The following MEGF6 variants were observed in gnomAD, a reference collection of about 807,000 sequenced individuals.
The protein encoded by MEGF6 is multiple epidermal growth factor-like domains protein 6.
A neutral mutation model predicts 207.1 loss-of-function variants in MEGF6; 184 were observed. The ratio of observed to expected loss-of-function variants is 0.89; its 90% CI spans 0.79 to 1.00. The LOEUF (loss-of-function observed/expected upper bound fraction) is 1.00, where lower values mean the gene tolerates loss of function less well. MEGF6 is among the 50% of genes least tolerant of loss of function. The pLI is 0.00. For missense variants in MEGF6, 2,282 were observed against 2,202.9 expected (o/e 1.04, Z -0.72); for synonymous variants, 1,038 against 910.0 (o/e 1.14, Z -2.53).
At chr1:3,579,962 G>A (rs1206085409) in intron 3 of MEGF6, 33 bp from the exon 4 acceptor site, 4 of 1,448,318 alleles carry the variant, frequency 2.8e-6, no homozygotes, top group African/African-American at 1.5e-5. Flanking sequence ...GGTGAGAGGG[G>A]CAAGGAGGGG....
chr1:3,519,664 C>T (rs575863724), intron 5 of MEGF6, among the ~76,000 whole-genome samples: 25 of 152,356 alleles, frequency 1.6e-4, no homozygotes, highest in South Asian at 6.2e-4. Flanking sequence ...ACGCAGTGCC[C>T]GGCTCCAGCA....
At position 3,498,360 on chromosome 1, in the gene MEGF6, GC is replaced by G; in HGVS notation, c.3352+10del. The stretch of plus-strand genomic sequence containing the variant: ...GGCCTGCAGACCCCCCTGCTGCCCC[GC>G]CCCACTCACGGCTCTGACACTTGTC... On this transcript the variant is annotated intron_variant, in intron 26 of 36. Coordinates refer to ENST00000356575, the MANE Select transcript of MEGF6 (RefSeq NM_001409.4). 6.3e-7 allele frequency: 1 copy of G among 1,597,892 alleles called. No homozygotes were observed. The highest frequency in any genetic ancestry group is 2.2e-5 in the East Asian group (1 of 44,672).
upstream of MEGF6, among the ~76,000 whole-genome samples, chr1:3,616,149 CG>C (rs1644376790): frequency 5.3e-5 from 8 of 152,146 alleles, no homozygotes; most frequent in Non-Finnish European, 1.2e-4. Context: ...ATGTCCGGTC[CG>C]CGGGCTGGCG....
chr1:3,511,558 G>A lies in MEGF6; in HGVS notation c.1106C>T (p.Thr369Ile). 4.4e-6 allele frequency: 7 copies of A among 1,606,004 alleles called. No homozygotes were observed. The highest frequency in any genetic ancestry group is 6.0e-6 in the Non-Finnish European group (7 of 1,174,732). ...RGYELDTDQRTCIDVDDCADS... is the reference protein window; with the variant it reads ...RGYELDTDQRICIDVDDCADS... ...GAGGAGCCAGTGCGCACCGATGCAGGTCCTCTGATCTGTGTCCAGCTCGTA... is the reference window on the plus strand; with the variant it reads ...GAGGAGCCAGTGCGCACCGATGCAGATCCTCTGATCTGTGTCCAGCTCGTA... The change falls in exon 9 of 37, where the codon ACC becomes ATC. Residue 369 changes from threonine (T) to isoleucine (I), a missense_variant. By Grantham distance (89) the Thr-to-Ile change is moderately conservative. Transcript: ENST00000356575.
At chr1:3,500,792 G>A (rs1205319505) in intron 20 of MEGF6, 28 bp from the exon 21 acceptor site, 18 of 1,600,582 alleles carry the variant, frequency 1.1e-5, no homozygotes, top group East Asian at 2.2e-5. Flanking sequence ...GTCACCCGGC[G>A]CAGGCCCAAG....
chr1:3,535,074 CA>C (rs970874090), intron 4 of MEGF6, among the ~76,000 whole-genome samples: 11 of 152,186 alleles, frequency 7.2e-5, no homozygotes, highest in Non-Finnish European at 1.5e-4. Flanking sequence ...TCTCTGGCCT[CA>C]GTTTCCTCAT....
At chr1:3,497,452 G>GT in intron 26 of MEGF6, 91 bp from the exon 27 acceptor site, 1 of 1,378,318 alleles carries the variant, frequency 7.3e-7, no homozygotes, top group Non-Finnish European at 9.6e-7. Flanking sequence ...CTGTGGGTAC[G>GT]ACCCACCCAA....
chr1:3,514,007 G>A (rs1432010536), intron 7 of MEGF6, among the ~76,000 whole-genome samples: 2 of 152,106 alleles, frequency 1.3e-5, no homozygotes, highest in African/African-American at 2.4e-5. Flanking sequence ...CCAGCACTTT[G>A]GGAGGCCGAG....
intron 4 of MEGF6, among the ~76,000 whole-genome samples, chr1:3,554,737 G>A (rs572243573): frequency 4.1e-4 from 63 of 152,322 alleles, no homozygotes; most frequent in African/African-American, 1.4e-3. Context: ...CCTCCATGAG[G>A]ACATGAGTGA....
At position 3,496,034 on chromosome 1, in the gene MEGF6, T is replaced by A; in HGVS notation, c.3743-16A>T. The A allele has an allele frequency of 6.7e-7, 1 of 1,499,274 alleles. No homozygotes were observed. The highest frequency in any genetic ancestry group is 8.9e-7 in the Non-Finnish European group (1 of 1,128,792). The allele number at this position is 1,499,274 out of a possible 1,614,324, so 92.9% of individuals were successfully genotyped here. A position where few individuals can be genotyped will look rare whatever the true frequency, so the allele number is the denominator to read the frequency against. ...TGCGGACAGGCTGCCGGGGAGGAAG[T>A]GGTGATCGTGGCTGGCTTCCCTTCT... On this transcript the variant is annotated splice_polypyrimidine_tract_variant and intron_variant, in intron 29 of 36. Transcript: ENST00000356575.
At chr1:3,531,018 A>AGGGAGCGCGCCG (rs985582518) in intron 4 of MEGF6, 2 of 1,428,472 alleles carry the variant, frequency 1.4e-6, no homozygotes, top group African/African-American at 1.5e-5. Context: ...CAGGAAACAA[A>AGGGAGCGCGCCG]GGGAGCGCGC....
intron 3 of MEGF6, among the ~76,000 whole-genome samples, chr1:3,592,593 T>C (rs555928585): frequency 1.3e-5 from 2 of 152,058 alleles, no homozygotes; most frequent in East Asian, 3.9e-4. Flanking sequence ...CAGCAAACAA[T>C]TGAGTGACCA....
At chr1:3,572,651 CT>C (rs1372753275) in intron 4 of MEGF6, among the ~76,000 whole-genome samples, 8 of 142,028 alleles carry the variant, frequency 5.6e-5, no homozygotes, top group African/African-American at 1.1e-4. Flanking sequence ...GTGCTGGGTC[CT>C]TCCTGGTGTA....
intron 1 of MEGF6, among the ~76,000 whole-genome samples, chr1:3,605,715 C>G (rs1378859057): frequency 6.6e-6 from 1 of 152,212 alleles, no homozygotes; most frequent in Non-Finnish European, 1.5e-5. Context: ...CCCATTCACA[C>G]ACACTCACAG....
intron 4 of MEGF6, among the ~76,000 whole-genome samples, chr1:3,571,476 GGGTCCT>G (rs1643491580): frequency 1.3e-5 from 2 of 152,054 alleles, no homozygotes; most frequent in Non-Finnish European, 2.9e-5. Flanking sequence ...CAAGGGTGCT[GGGTCCT>G]CCCGGCTCCA....
chr1:3,591,405 G>T (rs1231360816), intron 3 of MEGF6, among the ~76,000 whole-genome samples: 1 of 152,200 alleles, frequency 6.6e-6, no homozygotes, highest in Non-Finnish European at 1.5e-5. Flanking sequence ...CACTGTCACT[G>T]TCACTGCTAC....
intron 4 of MEGF6, among the ~76,000 whole-genome samples, chr1:3,566,273 A>G (rs928790222): frequency 1.3e-5 from 2 of 152,212 alleles, no homozygotes; most frequent in African/African-American, 4.8e-5. Flanking sequence ...TTCCAGAAGC[A>G]CGCAGCCCCT....
Position 3,560,324 on chromosome 1 carries a change from C to T in MEGF6, c.481+19501G>A, listed in dbSNP as rs1411317336. On this transcript the variant is annotated intron_variant, in intron 4 of 36. Transcript: ENST00000356575. This position sits in a 1 kb window ranked among gnomAD's most constrained non-coding sequence, Gnocchi z 4.0. ...TTGACACATTGTTGTTAACTGAGTCCAGGGTTCCTTTCAGGGCCCACTAGG... is the reference window on the plus strand; with the variant it reads ...TTGACACATTGTTGTTAACTGAGTCTAGGGTTCCTTTCAGGGCCCACTAGG... Among the ~76,000 whole-genome samples, 1 of 152,180 alleles carries T rather than the reference C, an allele frequency of 6.6e-6. No homozygotes were observed. The highest frequency in any genetic ancestry group is 1.5e-5 in the Non-Finnish European group (1 of 68,020).
chr1:3,605,257 C>G (rs2101893648), intron 1 of MEGF6, among the ~76,000 whole-genome samples: 1 of 152,078 alleles, frequency 6.6e-6, no homozygotes, highest in Middle Eastern at 3.4e-3. Flanking sequence ...AGAAGGCACT[C>G]ACACATACTC....
Sources: allele counts gnomAD v4.1 joint callset (sites outside exome capture counted in the v4.1 genomes callset), GRCh38; gene constraint gnomAD v4.1.1; non-coding constraint Gnocchi (gnomAD v3.1); transcripts MANE v1.5; gene names NCBI Gene and HGNC (gene_info 2026-07-23, HGNC 2026-07-21).